The following FOXK1 variants were observed in gnomAD, a reference collection of about 807,000 sequenced individuals.
FOXK1 encodes the protein forkhead box protein K1.
Under a neutral mutation model 51.9 loss-of-function variants are expected in FOXK1, and 19 were observed. The observed-to-expected ratio is 0.37, with a 90% confidence interval of 0.26 to 0.54. FOXK1 has a LOEUF of 0.54. Ranked by LOEUF, FOXK1 falls within the 20% of genes least tolerant of loss-of-function variation. FOXK1 has a pLI of 0.87. For synonymous variants in FOXK1, 537 were observed against 482.6 expected (o/e 1.11, Z -1.48); for missense variants, 870 against 1,032.7 (o/e 0.84, Z 2.16).
chr7:4,725,047 G>A (rs1050299394), intron 1 of FOXK1, among the ~76,000 whole-genome samples: 4 of 152,218 alleles, frequency 2.6e-5, no homozygotes, highest in Admixed American at 1.3e-4. Context: ...CCCAGCAGGA[G>A]CTCCCCCGAG....
chr7:4,725,521 C>T (rs745407824), intron 1 of FOXK1, among the ~76,000 whole-genome samples: 8 of 152,250 alleles, frequency 5.3e-5, no homozygotes, highest in East Asian at 3.8e-4. Context: ...TCTTTCGCTC[C>T]GCAGGAGTGA....
rs1237453761 is a variant in FOXK1, at chr7:4,756,137, C to A, written c.1050+754C>A. 6.6e-6 allele frequency among the ~76,000 whole-genome samples: 1 copy of A among 152,164 alleles called. No individual in the cohort carries two copies. The highest frequency in any genetic ancestry group is 1.5e-5 in the Non-Finnish European group (1 of 68,032). On this transcript the variant is annotated intron_variant, in intron 4 of 8. Coordinates refer to ENST00000328914, the MANE Select transcript of FOXK1 (RefSeq NM_001037165.2). The surrounding 1 kb of genome is among the most constrained non-coding windows in gnomAD (Gnocchi z 4.1). ...TTGTTTGTTTGTTTGTTTTTTGAGACAGGATCTCGCTCTGCCATCCCGGCT... is the reference window on the plus strand; with the variant it reads ...TTGTTTGTTTGTTTGTTTTTTGAGAAAGGATCTCGCTCTGCCATCCCGGCT...
intron 1 of FOXK1, among the ~76,000 whole-genome samples, chr7:4,689,371 C>A (rs566067470): frequency 6.6e-6 from 1 of 152,284 alleles, no homozygotes; most frequent in African/African-American, 2.4e-5. Flanking sequence ...TTGTGAGTGG[C>A]AGGTGTTATG....
In FOXK1 at chr7:4,758,916, G is replaced by T. The variant is rs1780891379; in HGVS notation, c.1245-135G>T. The T allele has an allele frequency of 8.5e-6, 8 of 942,300 alleles. No homozygotes were observed. The highest frequency in any genetic ancestry group is 1.2e-5 in the Non-Finnish European group (8 of 645,470). The allele number at this position is 942,300 out of a possible 1,614,324, so 58.4% of individuals were successfully genotyped here. A position where few individuals can be genotyped will look rare whatever the true frequency, so the allele number is the denominator to read the frequency against. On this transcript the variant is annotated intron_variant, in intron 5 of 8. Transcript: ENST00000328914. The surrounding 1 kb of genome is among the most constrained non-coding windows in gnomAD (Gnocchi z 4.4). The stretch of plus-strand genomic sequence containing the variant: ...TCAGGTTACGGGGGCGTTTCTCACC[G>T]TCTGAATGCGGAGGACAGAGACGAG...
In FOXK1 at chr7:4,729,201, T is replaced by C. The variant is rs1780418613; in HGVS notation, c.561-11637T>C. On this transcript the variant is annotated intron_variant, in intron 1 of 8. Coordinates refer to ENST00000328914, the MANE Select transcript of FOXK1 (RefSeq NM_001037165.2). The surrounding 1 kb of genome is among the most constrained non-coding windows in gnomAD (Gnocchi z 6.2). Reference sequence around the variant, plus strand: ...GGGGAGCGGAGGTGATTTCGGAGCCTACTCTCCGATCCTCAGGATCCTCTT... The same window carrying C: ...GGGGAGCGGAGGTGATTTCGGAGCCCACTCTCCGATCCTCAGGATCCTCTT... Among the ~76,000 whole-genome samples the C allele has an allele frequency of 6.6e-6, 1 of 152,176 alleles. No homozygotes were observed.
rs1167435192 is a variant in FOXK1, at chr7:4,735,980, C to T, written c.561-4858C>T. Among the ~76,000 whole-genome samples, 1 of 152,122 alleles carries T rather than the reference C, an allele frequency of 6.6e-6. No homozygotes were observed. The highest frequency in any genetic ancestry group is 1.5e-5 in the Non-Finnish European group (1 of 68,046). On this transcript the variant is annotated intron_variant, in intron 1 of 8. Transcript: ENST00000328914. This position sits in a 1 kb window ranked among gnomAD's most constrained non-coding sequence, Gnocchi z 4.7. ...ACCAGCCTGGCCAACATGACCCCGT[C>T]TCTACTAAAAATACAAAACTTAGCT... is the stretch of plus-strand genomic sequence containing the variant.
In FOXK1 at chr7:4,730,036, G is replaced by T. The variant is rs960291578; in HGVS notation, c.561-10802G>T. ...AAAAGGAAAAAGAAAGCCCGGCTTC[G>T]GTCAGACCGTTGTCTGCGTTTTTCA... On this transcript the variant is annotated intron_variant, in intron 1 of 8. Transcript: ENST00000328914. The surrounding 1 kb of genome is among the most constrained non-coding windows in gnomAD (Gnocchi z 4.7). 6.6e-6 allele frequency among the ~76,000 whole-genome samples: 1 copy of T among 152,106 alleles called. No homozygotes were observed. The highest frequency in any genetic ancestry group is 1.5e-5 in the Non-Finnish European group (1 of 68,016).
chr7:4,759,290 C>G (rs1409763825), intron 6 of FOXK1, 21 bp from the exon 7 acceptor site: 5 of 1,601,904 alleles, frequency 3.1e-6, no homozygotes, highest in Non-Finnish European at 3.4e-6. Flanking sequence ...GGTCACCGTC[C>G]GCTCTCCGCC....
At chr7:4,728,917 G>A (rs1780415468) in intron 1 of FOXK1, among the ~76,000 whole-genome samples, 1 of 152,194 alleles carries the variant, frequency 6.6e-6, no homozygotes, top group Non-Finnish European at 1.5e-5. Flanking sequence ...CAGGTGGCCA[G>A]TGAATAATGA....
intron 1 of FOXK1, among the ~76,000 whole-genome samples, chr7:4,725,164 C>G (rs1780363625): frequency 6.6e-6 from 1 of 152,250 alleles, no homozygotes; most frequent in Non-Finnish European, 1.5e-5. Context: ...CGCGCGTTCT[C>G]TCTCTGAATT....
rs1780940277 is a variant in FOXK1 at position 4,762,127 on chromosome 7, A to G, written c.1922-57A>G. 6.6e-7 allele frequency: 1 copy of G among 1,504,610 alleles called. No individual in the cohort carries two copies. The allele number at this position is 1,504,610 out of a possible 1,614,324, so 93.2% of individuals were successfully genotyped here. Reference sequence around the variant, plus strand: ...TTAGCCCCTGTATAGGGGACTTGAAAAAAGCAGCTGGGTCCTAACCAGACC... The same window carrying G: ...TTAGCCCCTGTATAGGGGACTTGAAGAAAGCAGCTGGGTCCTAACCAGACC... On this transcript the variant is annotated intron_variant, in intron 8 of 8. Coordinates refer to ENST00000328914, the MANE Select transcript of FOXK1 (RefSeq NM_001037165.2). This position sits in a 1 kb window ranked among gnomAD's most constrained non-coding sequence, Gnocchi z 5.7.
At chr7:4,759,663 G>C in intron 7 of FOXK1, 68 bp downstream of exon 7, 1 of 1,478,600 alleles carries the variant, frequency 6.8e-7, no homozygotes, top group South Asian at 1.3e-5. Flanking sequence ...AAGTCCCCAA[G>C]GCAGCGCCAT....
rs867938358 is a variant in FOXK1, at chr7:4,730,505, C to T, written c.561-10333C>T. ...AGGGCGTGGTTTGCAGGCACCAGTG[C>T]TGGTTCCGTGTCTGTCGGGGAGGGG... On this transcript the variant is annotated intron_variant, in intron 1 of 8. Coordinates refer to ENST00000328914, the MANE Select transcript of FOXK1 (RefSeq NM_001037165.2). This position sits in a 1 kb window ranked among gnomAD's most constrained non-coding sequence, Gnocchi z 4.7. Among the ~76,000 whole-genome samples, 31 of 152,228 alleles carry T rather than the reference C, an allele frequency of 2.0e-4. No homozygotes were observed. Among genetic ancestry groups the T allele is most frequent in the Admixed American group, 9.8e-4 (15 of 15,284 alleles).
rs1780829940 is a variant in FOXK1 at position 4,755,147 on chromosome 7, G to A, written c.904-90G>A. On this transcript the variant is annotated intron_variant, in intron 3 of 8. Transcript: ENST00000328914. The surrounding 1 kb of genome is among the most constrained non-coding windows in gnomAD (Gnocchi z 6.6). ...CGGCAAGACGCGCACATTCTCGTGG[G>A]AAGGTTCCTCCCCATCAGCTGTGAC... The A allele has an allele frequency of 1.3e-6, 2 of 1,522,610 alleles. No homozygotes were observed. Among genetic ancestry groups the A allele is most frequent in the Non-Finnish European group, 1.8e-6 (2 of 1,121,060 alleles). The allele number at this position is 1,522,610 out of a possible 1,614,324, so 94.3% of individuals were successfully genotyped here. A position where few individuals can be genotyped will look rare whatever the true frequency, so the allele number is the denominator to read the frequency against.
At chr7:4,759,714 C>T in intron 7 of FOXK1, 119 bp downstream of exon 7, 1 of 1,135,694 alleles carries the variant, frequency 8.8e-7, no homozygotes, top group Non-Finnish European at 1.2e-6. Flanking sequence ...TTCTCTGCTT[C>T]TGCCTCTCGC....
chr7:4,704,308 G>A (rs755859565), intron 1 of FOXK1, among the ~76,000 whole-genome samples: 22 of 151,778 alleles, frequency 1.4e-4, no homozygotes, highest in Admixed American at 6.6e-4. Context: ...AAAATTAGTC[G>A]GGCGTAGTGG....
intron 1 of FOXK1, among the ~76,000 whole-genome samples, chr7:4,710,273 T>A (rs1390060615): frequency 1.3e-5 from 2 of 152,228 alleles, no homozygotes; most frequent in African/African-American, 4.8e-5. Context: ...TAGGCCAGTG[T>A]ACTGGCTCAC....
At chr7:4,702,775 T>C (rs1023980660) in intron 1 of FOXK1, among the ~76,000 whole-genome samples, 1 of 152,224 alleles carries the variant, frequency 6.6e-6, no homozygotes, top group African/African-American at 2.4e-5. Flanking sequence ...CCATCAGACA[T>C]GCGTAACCCT....
intron 1 of FOXK1, among the ~76,000 whole-genome samples, chr7:4,690,798 A>C (rs1052470660): frequency 1.3e-5 from 2 of 152,216 alleles, no homozygotes; most frequent in African/African-American, 2.4e-5. Context: ...TTGGAGATAG[A>C]GTAATTTACG....
Sources: allele counts gnomAD v4.1 joint callset (sites outside exome capture counted in the v4.1 genomes callset), GRCh38; gene constraint gnomAD v4.1.1; non-coding constraint Gnocchi (gnomAD v3.1); transcripts MANE v1.5; gene names NCBI Gene and HGNC (gene_info 2026-07-23, HGNC 2026-07-21).